The following AKAP6 variants were observed in gnomAD, a reference collection of about 807,000 sequenced individuals.
AKAP6 encodes the protein A-kinase anchoring protein 6, also known as A-kinase anchor protein 6.
In AKAP6, 58 loss-of-function variants were observed where a neutral mutation model predicts 188.5. The observed-to-expected ratio is 0.31, with a 90% CI of 0.25 to 0.38. The LOEUF (loss-of-function observed/expected upper bound fraction) is 0.38, where lower values mean the gene tolerates loss of function less well. AKAP6 is among the 10% of genes least tolerant of loss of function. The probability of loss-of-function intolerance (pLI) is 1.00; values close to 1 mark genes in which losing one functional copy is unlikely to be tolerated. For synonymous variants in AKAP6, 989 were observed against 998.6 expected (o/e 0.99, Z 0.18); for missense variants, 2,710 against 2,740.0 (o/e 0.99, Z 0.24).
At chr14:32,733,742 C>T (rs2031291287) in intron 10 of AKAP6, 1 of 152,072 alleles carries the variant, frequency 6.6e-6, no homozygotes, top group African/African-American at 2.4e-5. Flanking sequence ...TAATGGCTTT[C>T]ACTTTATAAT....
intron 11 of AKAP6, among the ~76,000 whole-genome samples, chr14:32,747,241 A>G (rs1401919643): frequency 1.3e-5 from 2 of 152,218 alleles, no homozygotes; most frequent in East Asian, 1.9e-4. Context: ...GAAAGACAGG[A>G]TACAATGTTT....
At chr14:32,395,349 T>A (rs1012110656) in intron 1 of AKAP6, among the ~76,000 whole-genome samples, 1 of 152,056 alleles carries the variant, frequency 6.6e-6, no homozygotes, top group African/African-American at 2.4e-5. Context: ...TCAACACATC[T>A]CATAACAGGT....
intron 2 of AKAP6, among the ~76,000 whole-genome samples, chr14:32,520,069 A>C (rs1881738448): frequency 1.3e-5 from 2 of 152,234 alleles, no homozygotes; most frequent in Non-Finnish European, 2.9e-5. Context: ...ACTACATGGA[A>C]ACTGAATAAC....
At chr14:32,711,882 A>G (rs962875466) in intron 9 of AKAP6, among the ~76,000 whole-genome samples, 1 of 152,092 alleles carries the variant, frequency 6.6e-6, no homozygotes, top group Admixed American at 6.6e-5. Flanking sequence ...CATTTTCTTC[A>G]TCTGTAAAGT....
intron 8 of AKAP6, among the ~76,000 whole-genome samples, chr14:32,683,267 T>C (rs1245340853): frequency 6.6e-6 from 1 of 152,104 alleles, no homozygotes; most frequent in Admixed American, 6.5e-5. Context: ...GTGCTGAGAT[T>C]ACAGGAGTGA....
Position 32,822,261 on chromosome 14 carries a change from T to C in AKAP6, c.4448T>C (p.Ile1483Thr), listed in dbSNP as rs200510368. The C allele has an allele frequency of 5.6e-6, 9 of 1,613,924 alleles. No homozygotes were observed. Among genetic ancestry groups the C allele is most frequent in the Admixed American group, 3.3e-5 (2 of 59,938 alleles). ...GGCTCAAAACTCAAATTACCAATGA[T>C]AATGAAACAGTCACAAAGCGAAAAA... is the stretch of plus-strand genomic sequence containing the variant. ...LQGSKLKLPM[I>T]MKQSQSEKAH... is the part of the protein sequence containing the mutation. Residue 1483 changes from isoleucine to threonine, a missense_variant, in exon 13 of 14, where the codon ATA becomes ACA. Transcript: ENST00000280979.
chr14:32,733,964 A>G (rs1261395482), intron 10 of AKAP6: 1 of 152,184 alleles, frequency 6.6e-6, no homozygotes, highest in Non-Finnish European at 1.5e-5. Flanking sequence ...TATTTTTAGA[A>G]AATTGTTTAA....
intron 10 of AKAP6, 100 bp downstream of exon 10, chr14:32,732,700 T>C (rs748756812): frequency 2.2e-6 from 3 of 1,339,230 alleles, no homozygotes; most frequent in Non-Finnish European, 3.2e-6. Flanking sequence ...TATCTCTCTC[T>C]TTCAATTCAC....
rs532884862 is a variant in AKAP6 at position 32,777,109 on chromosome 14, C to A, written c.3588+3216C>A. Among the ~76,000 whole-genome samples, 3 of 152,224 alleles carry A rather than the reference C, an allele frequency of 2.0e-5. No individual in the cohort carries two copies. In the East Asian group the frequency reaches 5.8e-4, roughly 29 times the overall value. On this transcript the variant is annotated intron_variant, in intron 12 of 13. Coordinates refer to ENST00000280979, the MANE Select transcript of AKAP6 (RefSeq NM_004274.5). ...AAAAGTTTTTGCCTTAGTAATGGGGCAAACTTAGACTAAATGCTGCTCTGG... is the reference window on the plus strand; with the variant it reads ...AAAAGTTTTTGCCTTAGTAATGGGGAAAACTTAGACTAAATGCTGCTCTGG...
At chr14:32,663,709 G>C (rs1888800881) in intron 7 of AKAP6, among the ~76,000 whole-genome samples, 1 of 152,124 alleles carries the variant, frequency 6.6e-6, no homozygotes, top group Admixed American at 6.6e-5. Context: ...GGCAAGAGCA[G>C]CTAGGGAGGA....
intron 7 of AKAP6, among the ~76,000 whole-genome samples, chr14:32,672,111 C>T (rs1889224165): frequency 1.3e-5 from 2 of 152,156 alleles, no homozygotes; most frequent in African/African-American, 4.8e-5. Context: ...TGGGTCACCA[C>T]ATACCGAGCC....
At chr14:32,655,408 T>C (rs1594816699) in intron 7 of AKAP6, among the ~76,000 whole-genome samples, 1 of 152,166 alleles carries the variant, frequency 6.6e-6, no homozygotes, top group Non-Finnish European at 1.5e-5. Flanking sequence ...GTAAATCTTT[T>C]TAAATGTTGA....
intron 2 of AKAP6, among the ~76,000 whole-genome samples, chr14:32,475,366 T>G (rs1282115503): frequency 1.3e-5 from 2 of 152,198 alleles, no homozygotes; most frequent in Non-Finnish European, 2.9e-5. Flanking sequence ...CCATTCTACC[T>G]TCACATTGGC....
intron 12 of AKAP6, among the ~76,000 whole-genome samples, chr14:32,803,171 C>A (rs375698287): frequency 6.6e-6 from 1 of 151,500 alleles, no homozygotes; most frequent in Non-Finnish European, 1.5e-5. Context: ...TGGCCAGGCA[C>A]GGTGGCTCAT....
intron 2 of AKAP6, among the ~76,000 whole-genome samples, chr14:32,471,660 C>A (rs556034654): frequency 6.6e-6 from 1 of 152,198 alleles, no homozygotes; most frequent in Non-Finnish European, 1.5e-5. Flanking sequence ...TCCTGTACCC[C>A]CCACCAGGGC....
chr14:32,454,218 A>G (rs1891043090), intron 2 of AKAP6, among the ~76,000 whole-genome samples: 1 of 152,140 alleles, frequency 6.6e-6, no homozygotes, highest in Non-Finnish European at 1.5e-5. Context: ...CTCTCTTTTC[A>G]CTGGCATTTT....
chr14:32,471,325 C>T (rs75531111), intron 2 of AKAP6, among the ~76,000 whole-genome samples: 33 of 152,284 alleles, frequency 2.2e-4, no homozygotes, highest in Non-Finnish European at 3.8e-4. Flanking sequence ...TCTACATTTT[C>T]CTAGTGTTTC....
intron 1 of AKAP6, among the ~76,000 whole-genome samples, chr14:32,377,278 G>C (rs1352784403): frequency 1.3e-5 from 2 of 152,188 alleles, no homozygotes; most frequent in Non-Finnish European, 2.9e-5. Flanking sequence ...ATTGGCAGCA[G>C]TTCCACTAGT....
At chr14:32,477,910 A>C (rs147714525) in intron 2 of AKAP6, among the ~76,000 whole-genome samples, 1 of 150,976 alleles carries the variant, frequency 6.6e-6, no homozygotes, top group South Asian at 2.1e-4. Context: ...ATGGAGGTGC[A>C]ATGAGCCTTA....
Sources: allele counts gnomAD v4.1 joint callset (sites outside exome capture counted in the v4.1 genomes callset), GRCh38; gene constraint gnomAD v4.1.1; transcripts MANE v1.5; gene names NCBI Gene and HGNC (gene_info 2026-07-23, HGNC 2026-07-21).